UMAD1: variants seen among roughly 807,000 people sequenced by gnomAD.
The protein encoded by UMAD1 is UBAP1-MVB12-associated (UMA)-domain containing protein 1.
A neutral mutation model predicts 6.1 loss-of-function variants in UMAD1; 8 were observed. The observed-to-expected ratio is 1.30, with a 90% CI of 0.76 to 2.35. UMAD1 has a LOEUF of 2.35. Among genes scored for constraint, UMAD1 ranks in the 30% most tolerant of loss-of-function variants. The probability of loss-of-function intolerance (pLI) is 0.00; values close to 1 mark genes in which losing one functional copy is unlikely to be tolerated. For missense variants in UMAD1, 130 were observed against 78.4 expected (o/e 1.66, Z -2.49); for synonymous variants, 56 against 31.4 (o/e 1.78, Z -2.61).
intron 2 of UMAD1, among the ~76,000 whole-genome samples, chr7:7,768,835 A>G (rs1254881015): frequency 6.6e-6 from 1 of 152,170 alleles, no homozygotes; most frequent in East Asian, 1.9e-4. Context: ...TCTTCCCCAG[A>G]CAGTAAGCGT....
intron 3 of UMAD1, among the ~76,000 whole-genome samples, chr7:7,853,084 T>C (rs891501976): frequency 2.0e-5 from 3 of 152,172 alleles, no homozygotes; most frequent in Non-Finnish European, 2.9e-5. Flanking sequence ...CGACATTATA[T>C]AACAAATGCT....
chr7:7,668,021 G>C (rs570948840), intron 1 of UMAD1, among the ~76,000 whole-genome samples: 33 of 152,084 alleles, frequency 2.2e-4, no homozygotes, highest in Non-Finnish European at 2.5e-4. Flanking sequence ...GGCTCAAGCA[G>C]TCCTCCAACC....
chr7:7,772,450 A>C (rs1034929306), intron 2 of UMAD1: 1 of 152,224 alleles, frequency 6.6e-6, no homozygotes, highest in Admixed American at 6.5e-5. Context: ...CTTCTGGTAC[A>C]TCTGGTAAGT....
chr7:7,875,818 C>T (rs1283672775), intron 3 of UMAD1, among the ~76,000 whole-genome samples: 1 of 152,210 alleles, frequency 6.6e-6, no homozygotes, highest in East Asian at 1.9e-4. Context: ...TGCAGTGGCT[C>T]ATGCCTGTAA....
intron 2 of UMAD1, among the ~76,000 whole-genome samples, chr7:7,799,376 C>A (rs933939030): frequency 5.3e-5 from 8 of 152,160 alleles, no homozygotes; most frequent in Non-Finnish European, 1.0e-4. Flanking sequence ...TGCTTCCAGG[C>A]AGATGTGTTG....
At chr7:7,647,120 A>G (rs1009751119) in intron 1 of UMAD1, among the ~76,000 whole-genome samples, 1 of 152,194 alleles carries the variant, frequency 6.6e-6, no homozygotes, top group African/African-American at 2.4e-5. Context: ...GTTCACCTAT[A>G]AAACCTTTTA....
chr7:7,674,993 TG>T (rs1226801019), intron 2 of UMAD1, among the ~76,000 whole-genome samples: 5 of 152,178 alleles, frequency 3.3e-5, no homozygotes, highest in Non-Finnish European at 7.4e-5. Context: ...TTTTTTCTGT[TG>T]TTTTTATTAT....
chr7:7,646,922 A>G (rs1489443034), intron 1 of UMAD1, among the ~76,000 whole-genome samples: 1 of 152,168 alleles, frequency 6.6e-6, no homozygotes, highest in Non-Finnish European at 1.5e-5. Context: ...TTGGGTGCAA[A>G]AACAGCCTGT....
chr7:7,795,323 C>G (rs527283745), intron 2 of UMAD1, among the ~76,000 whole-genome samples: 8 of 152,294 alleles, frequency 5.3e-5, no homozygotes, highest in African/African-American at 1.7e-4. Context: ...ATATGCTGAG[C>G]TGGTCAGGCT....
chr7:7,854,278 C>A lies in UMAD1; in HGVS notation c.157-23003C>A, dbSNP rs550583974. On this transcript the variant is annotated intron_variant, in intron 3 of 3. Coordinates refer to ENST00000682710, the MANE Select transcript of UMAD1 (RefSeq NM_001302348.2). ...GCTGAGTCAGGAGAATTGCTTTAACCCGGGAGGCAGAGGTTGTGGTGAGCC... is the reference window on the plus strand; with the variant it reads ...GCTGAGTCAGGAGAATTGCTTTAACACGGGAGGCAGAGGTTGTGGTGAGCC... 1.0e-4 allele frequency among the ~76,000 whole-genome samples: 14 copies of A among 140,696 alleles called. No individual in the cohort carries two copies. In the East Asian group the frequency reaches 2.9e-3, roughly 29 times the overall value. 92.3% of individuals were successfully genotyped at this position (140,696 alleles called of 152,430 possible).
intron 3 of UMAD1, among the ~76,000 whole-genome samples, chr7:7,874,022 C>G (rs929431847): frequency 6.6e-6 from 1 of 152,176 alleles, no homozygotes; most frequent in Admixed American, 6.5e-5. Context: ...GGCACTGAAA[C>G]TTCCAAAACC....
At chr7:7,698,327 A>G (rs1780365661) in intron 2 of UMAD1, among the ~76,000 whole-genome samples, 1 of 152,188 alleles carries the variant, frequency 6.6e-6, no homozygotes, top group African/African-American at 2.4e-5. Flanking sequence ...AGTGCTTTTT[A>G]AAATAAGGTT....
intron 2 of UMAD1, among the ~76,000 whole-genome samples, chr7:7,737,297 G>A (rs1781379126): frequency 6.6e-6 from 1 of 152,132 alleles, no homozygotes; most frequent in African/African-American, 2.4e-5. Flanking sequence ...ATGATGACAT[G>A]GACTCAGTAG....
intron 3 of UMAD1, among the ~76,000 whole-genome samples, chr7:7,867,346 A>G (rs1466136809): frequency 6.6e-6 from 1 of 152,196 alleles, no homozygotes; most frequent in Non-Finnish European, 1.5e-5. Context: ...AGCAGTAGGC[A>G]TGCTCCATAT....
intron 3 of UMAD1, among the ~76,000 whole-genome samples, chr7:7,847,457 T>C (rs1262048164): frequency 1.3e-5 from 2 of 151,960 alleles, no homozygotes; most frequent in African/African-American, 4.8e-5. Flanking sequence ...GTCCCATTCT[T>C]TATGACATTG....
At chr7:7,700,553 C>G (rs963933379) in intron 2 of UMAD1, among the ~76,000 whole-genome samples, 1 of 151,912 alleles carries the variant, frequency 6.6e-6, no homozygotes, top group Non-Finnish European at 1.5e-5. Context: ...AGTGAGACCC[C>G]CATCTCTACA....
intron 2 of UMAD1, among the ~76,000 whole-genome samples, chr7:7,743,956 G>A (rs2110556): frequency 0.51 from 77,963 of 151,734 alleles, 20,671 homozygotes; most frequent in African/African-American, 0.61. Context: ...TTAACGTAAA[G>A]TGTACGATTC....
chr7:7,798,832 T>A (rs1782740016), intron 2 of UMAD1, among the ~76,000 whole-genome samples: 1 of 152,210 alleles, frequency 6.6e-6, no homozygotes, highest in Non-Finnish European at 1.5e-5. Context: ...GCCCCTTAGG[T>A]TTCACTCTCC....
At chr7:7,835,178 C>T (rs771273983) in intron 3 of UMAD1, among the ~76,000 whole-genome samples, 9 of 152,108 alleles carry the variant, frequency 5.9e-5, no homozygotes, top group Non-Finnish European at 1.2e-4. Context: ...GTATATTAGT[C>T]ACTCATCATT....
Sources: allele counts gnomAD v4.1 joint callset (sites outside exome capture counted in the v4.1 genomes callset), GRCh38; gene constraint gnomAD v4.1.1; transcripts MANE v1.5; gene names NCBI Gene and HGNC (gene_info 2026-07-23, HGNC 2026-07-21).